SASH1: variants seen among roughly 807,000 people sequenced by gnomAD.
The protein encoded by SASH1 is SAM and SH3 domain-containing protein 1.
In SASH1, 44 loss-of-function variants were observed where a neutral mutation model predicts 125.2. That is an observed-to-expected ratio of 0.35 (90% CI 0.28 to 0.45). The LOEUF (loss-of-function observed/expected upper bound fraction) is 0.45, where lower values mean the gene tolerates loss of function less well. SASH1 is among the 20% of genes least tolerant of loss of function. The probability of loss-of-function intolerance (pLI) is 1.00; values close to 1 mark genes in which losing one functional copy is unlikely to be tolerated. For missense variants in SASH1, 1,426 were observed against 1,614.5 expected, an observed-to-expected ratio of 0.88 and a Z score of 2.00; for synonymous variants, 639 against 649.1, an observed-to-expected ratio of 0.98 and a Z score of 0.24.
intron 2 of SASH1, among the ~76,000 whole-genome samples, chr6:148,436,688 T>A (rs1776303238): frequency 6.6e-6 from 1 of 152,194 alleles, no homozygotes; most frequent in South Asian, 2.1e-4. Context: ...TTCCAGTGAT[T>A]ACAGCCCACC....
chr6:148,371,546 G>A (rs1046604656), intron 1 of SASH1, among the ~76,000 whole-genome samples: 3 of 152,124 alleles, frequency 2.0e-5, no homozygotes, highest in African/African-American at 7.2e-5. Context: ...GGGATTACAG[G>A]CGTGAGCCAC....
At chr6:148,528,278 TA>T (rs1437843093) in intron 12 of SASH1, among the ~76,000 whole-genome samples, 1 of 152,102 alleles carries the variant, frequency 6.6e-6, no homozygotes, top group Non-Finnish European at 1.5e-5. Flanking sequence ...GGCCTCAAGG[TA>T]ATTATGACCA....
At position 148,358,733 on chromosome 6, in the gene SASH1, G is replaced by GTTTTTT. The variant is rs10673654; in HGVS notation, c.156+15525_156+15530dup. On this transcript the variant is annotated intron_variant, in intron 1 of 19. Coordinates refer to ENST00000367467, the MANE Select transcript of SASH1 (RefSeq NM_015278.5). ...TCCTGTTTCCTAATGCCATGTTTTT[G>GTTTTTT]TTTTTTTTTTTTTTTTTTTTGAGAC... Among the ~76,000 whole-genome samples the GTTTTTT allele has an allele frequency of 6.0e-4, 72 of 120,912 alleles. 3 individuals carry two copies. Among genetic ancestry groups the GTTTTTT allele is most frequent in the Non-Finnish European group, 6.2e-4 (37 of 60,020 alleles). 79.3% of individuals were successfully genotyped at this position (120,912 alleles called of 152,430 possible).
At chr6:148,357,831 A>G (rs1168381100) in intron 1 of SASH1, among the ~76,000 whole-genome samples, 1 of 152,094 alleles carries the variant, frequency 6.6e-6, no homozygotes, top group African/African-American at 2.4e-5. Context: ...AGACTGAGGT[A>G]GATGGATCAC....
chr6:148,539,280 T>C (rs1782074511), intron 16 of SASH1, among the ~76,000 whole-genome samples: 1 of 152,174 alleles, frequency 6.6e-6, no homozygotes, highest in Non-Finnish European at 1.5e-5. Context: ...TGGTGAATTC[T>C]GAGATTTTAG....
At chr6:148,422,649 G>T (rs1775621589) in intron 2 of SASH1, among the ~76,000 whole-genome samples, 1 of 152,126 alleles carries the variant, frequency 6.6e-6, no homozygotes, top group Non-Finnish European at 1.5e-5. Context: ...AATTTCATTT[G>T]CTTTTGAACT....
At chr6:148,338,207 G>A (rs1331334433), upstream of SASH1, among the ~76,000 whole-genome samples, 1 of 152,064 alleles carries the variant, frequency 6.6e-6, no homozygotes, top group Non-Finnish European at 1.5e-5. Context: ...CGGATCACTC[G>A]AACTCGGTCA....
intron 2 of SASH1, among the ~76,000 whole-genome samples, chr6:148,416,114 G>A (rs772264580): frequency 3.9e-5 from 6 of 152,164 alleles, no homozygotes; most frequent in Admixed American, 3.3e-4. Flanking sequence ...TGCCTCTTCA[G>A]TGTACCCTCA....
chr6:148,424,406 A>G (rs1313271033), intron 2 of SASH1, among the ~76,000 whole-genome samples: 2 of 151,994 alleles, frequency 1.3e-5, no homozygotes, highest in African/African-American at 4.8e-5. Flanking sequence ...TTATATCTTT[A>G]GTAGAGACGG....
intron 2 of SASH1, among the ~76,000 whole-genome samples, chr6:148,416,009 A>G (rs138055294): frequency 7.2e-5 from 11 of 152,348 alleles, no homozygotes; most frequent in African/African-American, 2.6e-4. Context: ...CTTCAAGCCT[A>G]CATCCATCAA....
chr6:148,472,412 C>T (rs1438087671), intron 6 of SASH1, among the ~76,000 whole-genome samples: 4 of 149,450 alleles, frequency 2.7e-5, no homozygotes, highest in Non-Finnish European at 5.9e-5. Context: ...ATTCACCCAG[C>T]GTCACTTGTG....
chr6:148,348,749 A>C (rs775423058), intron 1 of SASH1, among the ~76,000 whole-genome samples: 2 of 152,228 alleles, frequency 1.3e-5, no homozygotes, highest in African/African-American at 2.4e-5. Flanking sequence ...TCTTTCACAC[A>C]TCTTCTTCAG....
the SASH1 span, among the ~76,000 whole-genome samples, chr6:148,207,907 T>G: frequency 6.6e-6 from 1 of 152,210 alleles, no homozygotes; most frequent in African/African-American, 2.4e-5. Context: ...GTGAATCTGA[T>G]GGTATTGAAT....
chr6:148,331,955 A>G (rs1018579481), intron 1 of SASH1, among the ~76,000 whole-genome samples: 5 of 152,166 alleles, frequency 3.3e-5, no homozygotes, highest in African/African-American at 1.2e-4. Context: ...AAGTGCTGGG[A>G]TTACAGGTGT....
the SASH1 span, among the ~76,000 whole-genome samples, chr6:148,224,314 TG>T: frequency 0.07 from 10,602 of 151,930 alleles, 494 homozygotes; most frequent in Non-Finnish European, 0.097. Flanking sequence ...AAGCCTTATG[TG>T]TTTAGGTTGC....
intron 9 of SASH1, among the ~76,000 whole-genome samples, chr6:148,518,756 T>A (rs748496973): frequency 8.5e-5 from 13 of 152,194 alleles, no homozygotes; most frequent in Non-Finnish European, 1.9e-4. Flanking sequence ...AACTTGGTTT[T>A]CCTGCCAAGT....
At chr6:148,195,598 C>T in the SASH1 span, among the ~76,000 whole-genome samples, 1 of 152,372 alleles carries the variant, frequency 6.6e-6, no homozygotes, top group Non-Finnish European at 1.5e-5. Flanking sequence ...TTCACCCCGG[C>T]TCCAGCACTG....
the SASH1 span, among the ~76,000 whole-genome samples, chr6:148,233,512 G>A: frequency 3.3e-5 from 5 of 151,980 alleles, no homozygotes; most frequent in Non-Finnish European, 7.4e-5. Flanking sequence ...GGTGATACAG[G>A]TAGGAACAAG....
rs1005337165 is a variant in SASH1, at chr6:148,333,320, G to A, written n.75-56814G>A. On this transcript the variant is annotated intron_variant and non_coding_transcript_variant, in intron 1 of 3. Coordinates refer to the SASH1 transcript ENST00000367469. ...TCCAGCTACTTGGGAGCCTAAGGTG[G>A]GAGGATCCCTTGAGCCCAGGTGTTC... is the stretch of plus-strand genomic sequence containing the variant. 2.6e-5 allele frequency among the ~76,000 whole-genome samples: 4 copies of A among 152,082 alleles called. 1 individual carries two copies. The highest frequency in any genetic ancestry group is 2.0e-4 in the Admixed American group (3 of 15,252).
Sources: allele counts gnomAD v4.1 joint callset (sites outside exome capture counted in the v4.1 genomes callset), GRCh38; gene constraint gnomAD v4.1.1; transcripts MANE v1.5; gene names NCBI Gene and HGNC (gene_info 2026-07-23, HGNC 2026-07-21).